The following OBSL1 variants were observed in gnomAD, a reference collection of about 807,000 sequenced individuals.
OBSL1 encodes obscurin like cytoskeletal adaptor 1.
OBSL1 carries 160 observed loss-of-function variants against 172.0 expected under a neutral mutation model. The observed-to-expected ratio is 0.93, with a 90% CI of 0.82 to 1.06. OBSL1 has a LOEUF of 1.06. Ranked by LOEUF, OBSL1 falls within the 50% of genes least tolerant of loss-of-function variation. The pLI is 0.00. For synonymous variants in OBSL1, 1,200 were observed against 1,196.3 expected (o/e 1.00, Z -0.06); for missense variants, 2,681 against 2,715.4 (o/e 0.99, Z 0.28).
intron 11 of OBSL1, 45 bp downstream of exon 11, chr2:219,557,778 C>T (rs370643228): frequency 1.7e-4 from 271 of 1,562,606 alleles, no homozygotes; most frequent in Non-Finnish European, 2.2e-4. Flanking sequence ...GTGCCACTCT[C>T]AGGCTTGGTG....
downstream of OBSL1, chr2:219,549,253 C>G: frequency 6.2e-7 from 1 of 1,613,984 alleles, no homozygotes; most frequent in Non-Finnish European, 8.5e-7. Flanking sequence ...TCGGGCTCCC[C>G]TCAGAGGTCC....
At chr2:219,552,450 G>A (rs866241140) in intron 18 of OBSL1, 86 bp downstream of exon 18, 3 of 1,395,284 alleles carry the variant, frequency 2.2e-6, no homozygotes, top group Non-Finnish European at 2.9e-6. Context: ...TCGGAGCCAG[G>A]GGCGGGGCTT....
rs1478405324 is a variant in OBSL1 at position 219,571,511 on chromosome 2, C to T, written c.-279G>A. On this transcript the variant is annotated 5_prime_UTR_variant, in exon 1 of 21. Transcript: ENST00000404537. ...CTCCAGCGAGTGGCCCCGCAGCCTC[C>T]CCTGCCCGCTGCCTGGCTTCCTGCT... The T allele has an allele frequency of 7.8e-6, 2 of 254,884 alleles. No individual in the cohort carries two copies. The highest frequency in any genetic ancestry group is 2.2e-5 in the African/African-American group (1 of 44,460). The allele number at this position is 254,884 out of a possible 1,614,324, so 15.8% of individuals were successfully genotyped here. A position where few individuals can be genotyped will look rare whatever the true frequency, so the allele number is the denominator to read the frequency against.
chr2:219,557,698 G>A, intron 11 of OBSL1, 80 bp from the exon 12 acceptor site: 2 of 1,515,622 alleles, frequency 1.3e-6, no homozygotes, highest in South Asian at 1.3e-5. Context: ...TGACGGGGAA[G>A]GTACTGAGAG....
rs1462029172 is a variant in OBSL1, at chr2:219,559,273, C to G, written c.3178G>C (p.Val1060Leu). 1 of 1,613,330 alleles carries G rather than the reference C, an allele frequency of 6.2e-7. No individual in the cohort carries two copies. The highest frequency in any genetic ancestry group is 1.7e-5 in the Admixed American group (1 of 60,000). The stretch of plus-strand genomic sequence containing the variant: ...GCCGAGTCATCTCCAGCATCACATA[C>G]AAACTCGCCCCCGTCCTCGGGCTGA... ...AAQPEDGGEF[V>L]CDAGDDSAFF... is the part of the protein sequence containing the mutation. The change falls in exon 9 of 21, where the codon GTA becomes CTA. Residue 1060 changes from valine to leucine, a missense_variant. Coordinates refer to ENST00000404537, the MANE Select transcript of OBSL1 (RefSeq NM_015311.3).
chr2:219,561,671 CTT>C (rs1469341188), intron 8 of OBSL1: 1 of 577,248 alleles, frequency 1.7e-6, no homozygotes, highest in Non-Finnish European at 3.1e-6. Flanking sequence ...GCTCTGTGCT[CTT>C]GAGCCCTCTG....
At chr2:219,550,666 C>T, downstream of OBSL1, 1 of 857,076 alleles carries the variant, frequency 1.2e-6, no homozygotes, top group Non-Finnish European at 1.8e-6. Context: ...CCCAGTGTCG[C>T]TCACTGCACA....
chr2:219,555,983 G>A, intron 14 of OBSL1, 37 bp downstream of exon 14: 1 of 1,605,022 alleles, frequency 6.2e-7, no homozygotes, highest in Non-Finnish European at 8.5e-7. Context: ...CTGTGGTGTA[G>A]GGTGGGTAAT....
Position 219,552,227 on chromosome 2 carries a change from G to A in OBSL1, c.5309-11C>T, listed in dbSNP as rs769067262. The A allele has an allele frequency of 1.3e-6, 2 of 1,585,376 alleles. No individual in the cohort carries two copies. The highest frequency in any genetic ancestry group is 2.3e-5 in the East Asian group (1 of 43,516). On this transcript the variant is annotated splice_polypyrimidine_tract_variant and intron_variant, in intron 18 of 20. Coordinates refer to ENST00000404537, the MANE Select transcript of OBSL1 (RefSeq NM_015311.3). ...GAATGTGTTTCTTCCCTGGGGGTGA[G>A]GGGGTCGCTAGCGAGGCCGGAGCCA... is the stretch of plus-strand genomic sequence containing the variant.
Position 219,562,614 on chromosome 2 carries a change from T to C in OBSL1, c.2741A>G (p.Glu914Gly), listed in dbSNP as rs373527166. The change falls in exon 8 of 21, where the codon GAG becomes GGG. Residue 914 changes from glutamate (E) to glycine (G), a missense_variant. Coordinates refer to ENST00000404537, the MANE Select transcript of OBSL1 (RefSeq NM_015311.3). ...TAGCTCACAGGTCAGCACCACACGC[T>C]CCAGGCGCACGGCTGCCACATACAC... is the stretch of plus-strand genomic sequence containing the variant. Reference protein sequence around the residue: ...GKVYVAAVRLERVVLTCELCR... With the variant: ...GKVYVAAVRLGRVVLTCELCR... 3 of 1,601,938 alleles carry C rather than the reference T, an allele frequency of 1.9e-6. No individual in the cohort carries two copies. In the African/African-American group the frequency reaches 4.0e-5, roughly 21 times the overall value.
At chr2:219,565,186 A>T (rs1696789663) in intron 6 of OBSL1, 56 bp downstream of exon 6, 1 of 1,529,398 alleles carries the variant, frequency 6.5e-7, no homozygotes, top group Non-Finnish European at 8.8e-7. Context: ...GGCATGGCTT[A>T]TGCGGCCCCA....
intron 11 of OBSL1, 97 bp from the exon 12 acceptor site, chr2:219,557,715 GGC>G (rs1696133887): frequency 6.5e-7 from 1 of 1,529,128 alleles, no homozygotes; most frequent in African/African-American, 1.4e-5. Context: ...AGAGAAGTGG[GGC>G]CAGGGATGGG....
In OBSL1 at chr2:219,551,160, G is replaced by A. The variant is rs1243581747; in HGVS notation, c.5684-318C>T. The A allele has an allele frequency of 5.7e-6, 8 of 1,394,932 alleles. No homozygotes were observed. In the African/African-American group the frequency reaches 1.0e-4, roughly 18 times the overall value. The allele number at this position is 1,394,932 out of a possible 1,614,324, so 86.4% of individuals were successfully genotyped here. A position where few individuals can be genotyped will look rare whatever the true frequency, so the allele number is the denominator to read the frequency against. ...GATGGGCAGAGGCAAGCTGGGCAGA[G>A]GGCAGGAAGGAGGAGGGACAGGCTG... On this transcript the variant is annotated intron_variant, in intron 20 of 20. Coordinates refer to ENST00000404537, the MANE Select transcript of OBSL1 (RefSeq NM_015311.3).
At position 219,571,239 on chromosome 2, in the gene OBSL1, G is replaced by C. The variant is rs1363761721; in HGVS notation, c.-7C>G. ...CCCCCGAGCTCGCCTTCATCGCGGC[G>C]GCCGACCGCCTGCAGCGGCGAACGG... On this transcript the variant is annotated 5_prime_UTR_variant, in exon 1 of 21. Coordinates refer to ENST00000404537, the MANE Select transcript of OBSL1 (RefSeq NM_015311.3). 2 of 1,287,544 alleles carry C rather than the reference G, an allele frequency of 1.6e-6. No individual in the cohort carries two copies. The highest frequency in any genetic ancestry group is 1.5e-5 in the African/African-American group (1 of 65,674). The allele number at this position is 1,287,544 out of a possible 1,614,324, so 79.8% of individuals were successfully genotyped here. A position where few individuals can be genotyped will look rare whatever the true frequency, so the allele number is the denominator to read the frequency against.
In OBSL1 at chr2:219,571,273, C is replaced by CGGGGGGGGGGGGG; in HGVS notation, c.-42_-41insCCCCCCCCCCCCC. On this transcript the variant is annotated 5_prime_UTR_variant, in exon 1 of 21. Coordinates refer to ENST00000404537, the MANE Select transcript of OBSL1 (RefSeq NM_015311.3). ...CCTGCAGCGGCGAACGGTGGGGGGG[C>CGGGGGGGGGGGGG]AGGGGGGGGTGCGGAGGGCGAGCCG... The CGGGGGGGGGGGGG allele has an allele frequency of 1.2e-6, 1 of 861,598 alleles. No homozygotes were observed. The highest frequency in any genetic ancestry group is 1.5e-6 in the Non-Finnish European group (1 of 657,184). 53.4% of individuals were successfully genotyped at this position (861,598 alleles called of 1,614,324 possible).
chr2:219,562,365 G>A (rs1004123306), intron 8 of OBSL1, 37 bp downstream of exon 8: 1 of 1,602,022 alleles, frequency 6.2e-7, no homozygotes, highest in African/African-American at 1.3e-5. Context: ...GCTCAGGGCT[G>A]TCTCTGTGAC....
In OBSL1 at chr2:219,568,032, C is replaced by T; in HGVS notation, c.1282+23G>A. On this transcript the variant is annotated intron_variant, in intron 2 of 20. Transcript: ENST00000404537. This position sits in a 1 kb window ranked among gnomAD's most constrained non-coding sequence, Gnocchi z 4.1. ...AGCACCTGCCTGCCTCCGCCTCAGCCTCTTCCCCACGGGCCAGCTGACCTT... is the reference window on the plus strand; with the variant it reads ...AGCACCTGCCTGCCTCCGCCTCAGCTTCTTCCCCACGGGCCAGCTGACCTT... 1 of 1,608,770 alleles carries T rather than the reference C, an allele frequency of 6.2e-7. No individual in the cohort carries two copies. Among genetic ancestry groups the T allele is most frequent in the East Asian group, 2.2e-5 (1 of 44,718 alleles).
chr2:219,549,953 C>T, downstream of OBSL1: 1 of 1,503,368 alleles, frequency 6.7e-7, no homozygotes, highest in Non-Finnish European at 9.0e-7. Flanking sequence ...TGTCCCTCTC[C>T]CCAGCCTGGA....
Position 219,571,264 on chromosome 2 carries a change from G to T in OBSL1, c.-32C>A. On this transcript the variant is annotated 5_prime_UTR_variant, in exon 1 of 21. Transcript: ENST00000404537. ...GGCCGACCGCCTGCAGCGGCGAACGGTGGGGGGGCAGGGGGGGGTGCGGAG... is the reference window on the plus strand; with the variant it reads ...GGCCGACCGCCTGCAGCGGCGAACGTTGGGGGGGCAGGGGGGGGTGCGGAG... 8.3e-7 allele frequency: 1 copy of T among 1,211,612 alleles called. No individual in the cohort carries two copies. The highest frequency in any genetic ancestry group is 1.0e-6 in the Non-Finnish European group (1 of 954,080). The allele number at this position is 1,211,612 out of a possible 1,614,324, so 75.1% of individuals were successfully genotyped here.
Sources: gnomAD v4.1 joint callset for allele counts on GRCh38, gnomAD v4.1.1 for gene constraint, Gnocchi (gnomAD v3.1) non-coding constraint, MANE v1.5 for transcripts, NCBI Gene and HGNC (gene_info 2026-07-23, HGNC 2026-07-21) for gene names.